Variants in MXRA8 observed in about 807,000 individuals in gnomAD.
MXRA8 encodes the protein matrix remodeling associated 8.
Under a neutral mutation model 51.4 loss-of-function variants are expected in MXRA8, and 44 were observed. The observed-to-expected ratio is 0.86, with a 90% CI of 0.67 to 1.10. The LOEUF (loss-of-function observed/expected upper bound fraction) is 1.10. Ranked by LOEUF, MXRA8 falls within the 50% of genes least tolerant of loss-of-function variation. The probability of loss-of-function intolerance (pLI) is 0.00; values close to 1 mark genes in which losing one functional copy is unlikely to be tolerated. For synonymous variants in MXRA8, 369 were observed against 293.5 expected, an observed-to-expected ratio of 1.26 and a Z score of -2.63; for missense variants, 765 against 638.9, an observed-to-expected ratio of 1.20 and a Z score of -2.13.
chr1:1,363,422 G>A (rs929845276), upstream of MXRA8, among the ~76,000 whole-genome samples: 3 of 151,104 alleles, frequency 2.0e-5, no homozygotes, highest in Admixed American at 6.6e-5. Flanking sequence ...TTACAGGCGA[G>A]ATCCATCAGT....
intron 1 of MXRA8, among the ~76,000 whole-genome samples, chr1:1,357,668 G>A (rs905210076): frequency 3.9e-5 from 6 of 152,280 alleles, no homozygotes; most frequent in Admixed American, 1.3e-4. Context: ...TTAGCCGGAC[G>A]GGGTGGTAGT....
At position 1,357,772 on chromosome 1, in the gene MXRA8, T is replaced by C. The variant is rs559358452; in HGVS notation, c.49+684A>G. ...TTGCAGTGAGCCGAGATCACGCCAC[T>C]GCACTGCAGCCTCCTTGGCGAGAGA... On this transcript the variant is annotated intron_variant, in intron 1 of 9. Transcript: ENST00000309212. Among the ~76,000 whole-genome samples, 8 of 152,302 alleles carry C rather than the reference T, an allele frequency of 5.3e-5. No homozygotes were observed. The East Asian group carries it at 1.5e-3, about 29-fold the overall frequency.
chr1:1,353,833 GCCCCCGCCGCTCA>G lies in MXRA8; in HGVS notation c.1303+2_1303+14del, dbSNP rs1419060614. 1.3e-6 allele frequency: 2 copies of G among 1,558,532 alleles called. No homozygotes were observed. The highest frequency in any genetic ancestry group is 1.7e-6 in the Non-Finnish European group (2 of 1,150,886). On this transcript the variant is annotated splice_donor_variant and splice_donor_5th_base_variant and intron_variant, in intron 9 of 9. Transcript: ENST00000309212. LOFTEE classifies it high-confidence loss of function. ...CAGGGCTCTGAGATGGGCTGAGGTC[GCCCCCGCCGCTCA>G]CCTTTGTCTAGGTCGATGTACTTGG...
chr1:1,353,600 C>T lies in MXRA8; in HGVS notation c.*4G>A, dbSNP rs1644047468. 6.4e-7 allele frequency: 1 copy of T among 1,561,342 alleles called. No individual in the cohort carries two copies. Among genetic ancestry groups the T allele is most frequent in the South Asian group, 1.2e-5 (1 of 85,004 alleles). Reference sequence around the variant, plus strand: ...GCTGGCCCAGCCAGGAGCCCAGGGCCTCCCTATTTGCAGTTCTCCTTCCGG... The same window carrying T: ...GCTGGCCCAGCCAGGAGCCCAGGGCTTCCCTATTTGCAGTTCTCCTTCCGG... On this transcript the variant is annotated 3_prime_UTR_variant, in exon 10 of 10. Coordinates refer to ENST00000309212, the MANE Select transcript of MXRA8 (RefSeq NM_032348.4).
chr1:1,361,155 GAAACAC>G (rs1232589112), upstream of MXRA8: 123 of 694,644 alleles, frequency 1.8e-4, 1 homozygote, highest in Middle Eastern at 6.9e-4. Flanking sequence ...AAGATACACG[GAAACAC>G]AAACACACAG....
chr1:1,362,071 CT>C (rs1644229372), upstream of MXRA8, among the ~76,000 whole-genome samples: 1 of 152,238 alleles, frequency 6.6e-6, no homozygotes, highest in South Asian at 2.1e-4. Context: ...CCCTGGCTGA[CT>C]GTTTTCCTGC....
In MXRA8 at chr1:1,354,703, G is replaced by T. The variant is rs371664151; in HGVS notation, c.928C>A (p.His310Asn). Residue 310 changes from histidine to asparagine, a missense_variant, in exon 5 of 10, where the codon CAC becomes AAC. Transcript: ENST00000309212. ...PRGSPGNGSS[H>N]SGAPGPDPTL... is the part of the protein sequence containing the mutation. The stretch of plus-strand genomic sequence containing the variant: ...TCACCTGGGCCTGGGGCGCCGCTGT[G>T]GCTGGAGCCGTTGCCCGGAGAGCCC... 4 of 1,592,644 alleles carry T rather than the reference G, an allele frequency of 2.5e-6. No homozygotes were observed. The highest frequency in any genetic ancestry group is 3.4e-6 in the Non-Finnish European group (4 of 1,171,090).
upstream of MXRA8, chr1:1,358,915 C>G: frequency 1.0e-6 from 1 of 1,003,280 alleles, no homozygotes; most frequent in Non-Finnish European, 1.2e-6. Context: ...CCCACGTGAG[C>G]CACCTCAGGG....
upstream of MXRA8, chr1:1,359,316 G>A (rs1644190775): frequency 4.1e-6 from 4 of 985,448 alleles, no homozygotes; most frequent in Admixed American, 6.1e-5. Flanking sequence ...GGAGAAAGGG[G>A]AGAGTGGGAC....
upstream of MXRA8, among the ~76,000 whole-genome samples, chr1:1,360,503 G>GGGGC (rs1282232368): frequency 3.3e-5 from 5 of 152,052 alleles, no homozygotes; most frequent in East Asian, 3.9e-4. Flanking sequence ...TGCTCGCTGG[G>GGGGC]GGGTGGTCTG....
upstream of MXRA8, among the ~76,000 whole-genome samples, chr1:1,362,136 C>T (rs1027309836): frequency 2.0e-5 from 3 of 152,222 alleles, no homozygotes; most frequent in African/African-American, 4.8e-5. Context: ...TTGGTCCCTC[C>T]TCCTGCAGCC....
chr1:1,357,565 G>C (rs1242391410), intron 1 of MXRA8, among the ~76,000 whole-genome samples: 2 of 152,204 alleles, frequency 1.3e-5, no homozygotes, highest in East Asian at 3.9e-4. Flanking sequence ...CCAGCACTTT[G>C]GGAGGCCAAG....
upstream of MXRA8, chr1:1,359,514 G>C (rs935910191): frequency 1.0e-6 from 1 of 984,894 alleles, no homozygotes; most frequent in African/African-American, 1.8e-5. Flanking sequence ...CCGCCCACTT[G>C]GAGTGAGCTC....
chr1:1,355,198 C>T (rs529558054), intron 4 of MXRA8, 46 bp from the exon 5 acceptor site: 3 of 1,087,230 alleles, frequency 2.8e-6, no homozygotes, highest in East Asian at 8.0e-5. Flanking sequence ...GGGCGGCGGT[C>T]GAGGGTCGAG....
chr1:1,355,303 T>C lies in MXRA8; in HGVS notation c.419A>G (p.His140Arg). Residue 140 changes from histidine to arginine, a missense_variant, in exon 4 of 10, where the codon CAC becomes CGC. By Grantham distance (29) the His-to-Arg change is conservative. Coordinates refer to ENST00000309212, the MANE Select transcript of MXRA8 (RefSeq NM_032348.4). ...TDAGLYTCNL[H>R]HHYCHLYESL... Reference sequence around the variant, plus strand: ...CTCGTAGAGGTGGCAGTAGTGATGGTGCAGGTTGCAGGTGTACAGCCCCGC... The same window carrying C: ...CTCGTAGAGGTGGCAGTAGTGATGGCGCAGGTTGCAGGTGTACAGCCCCGC... 6.3e-7 allele frequency: 1 copy of C among 1,580,170 alleles called. No homozygotes were observed. Among genetic ancestry groups the C allele is most frequent in the Non-Finnish European group, 8.6e-7 (1 of 1,166,560 alleles).
At chr1:1,353,953 TC>T (rs780236751) in intron 8 of MXRA8, 25 bp from the exon 9 acceptor site, 21 of 1,605,222 alleles carry the variant, frequency 1.3e-5, no homozygotes, top group Non-Finnish European at 1.6e-5. Context: ...GAGGCTGAGG[TC>T]CCCGCTCCCA....
chr1:1,355,186 CG>C lies in MXRA8; in HGVS notation c.479-35del, dbSNP rs375383951. 1.3e-3 allele frequency: 1,151 copies of C among 893,222 alleles called. 23 individuals carry two copies. The South Asian group carries it at 0.024, about 19-fold the overall frequency. 55.3% of individuals were successfully genotyped at this position (893,222 alleles called of 1,614,324 possible). On this transcript the variant is annotated intron_variant, in intron 4 of 9. Transcript: ENST00000309212. ...GGGGCGCGGTCAGCGGCGCGCGGGC[CG>C]GGGCGGCGGTCGAGGGTCGAGGGGC...
chr1:1,355,441 T>C lies in MXRA8; in HGVS notation c.376+9A>G. ...CCGACCCCGCGGCCCCGGTCCCCGG[T>C]CCCCGCACCGCGGATGAGCAGCGAG... is the stretch of plus-strand genomic sequence containing the variant. On this transcript the variant is annotated intron_variant, in intron 3 of 9. Transcript: ENST00000309212. 6.7e-7 allele frequency: 1 copy of C among 1,490,862 alleles called. No individual in the cohort carries two copies. Among genetic ancestry groups the C allele is most frequent in the Non-Finnish European group, 8.9e-7 (1 of 1,129,650 alleles). The allele number at this position is 1,490,862 out of a possible 1,614,324, so 92.4% of individuals were successfully genotyped here.
intron 1 of MXRA8, among the ~76,000 whole-genome samples, chr1:1,358,206 T>A (rs938724632): frequency 1.3e-5 from 2 of 152,158 alleles, no homozygotes; most frequent in African/African-American, 2.4e-5. Flanking sequence ...GACGCCGCCG[T>A]GCCTGGGCCC....
Sources: gnomAD v4.1 joint callset for allele counts (sites outside exome capture counted in the v4.1 genomes callset) on GRCh38, gnomAD v4.1.1 for gene constraint, MANE v1.5 for transcripts, NCBI Gene and HGNC (gene_info 2026-07-23, HGNC 2026-07-21) for gene names.